Variants in PCGF6 observed in about 807,000 individuals in gnomAD.
PCGF6 encodes the protein polycomb group RING finger protein 6.
PCGF6 carries 24 observed loss-of-function variants against 45.5 expected under a neutral mutation model. The ratio of observed to expected loss-of-function variants is 0.53; its 90% CI spans 0.38 to 0.74. PCGF6 has a LOEUF of 0.74. Ranked by LOEUF, PCGF6 falls within the 30% of genes least tolerant of loss-of-function variation. The probability of loss-of-function intolerance (pLI) is 0.00; values close to 1 mark genes in which losing one functional copy is unlikely to be tolerated. For synonymous variants in PCGF6, 152 were observed against 162.1 expected, an observed-to-expected ratio of 0.94 and a Z score of 0.47; for missense variants, 356 against 443.2, an observed-to-expected ratio of 0.80 and a Z score of 1.77.
At chr10:103,349,479 GTT>G (rs11450842) in intron 1 of PCGF6, among the ~76,000 whole-genome samples, 5 of 108,160 alleles carry the variant, frequency 4.6e-5, no homozygotes, top group East Asian at 2.8e-4. Context: ...CTTTCTTTCC[GTT>G]TTTTTTTTTT....
intron 8 of PCGF6, among the ~76,000 whole-genome samples, chr10:103,325,480 C>G (rs1564728353): frequency 6.6e-6 from 1 of 152,094 alleles, no homozygotes; most frequent in Non-Finnish European, 1.5e-5. Context: ...GAATTCCTGA[C>G]CTCGTGATCC....
intron 1 of PCGF6, among the ~76,000 whole-genome samples, chr10:103,350,255 C>A (rs2093316186): frequency 6.7e-6 from 1 of 149,032 alleles, no homozygotes; most frequent in Non-Finnish European, 1.5e-5. Flanking sequence ...ACATAGGGAG[C>A]CCTCCTCGCT....
intron 1 of PCGF6, 53 bp from the exon 2 acceptor site, chr10:103,349,052 T>C (rs2093310036): frequency 6.8e-7 from 1 of 1,479,020 alleles, no homozygotes; most frequent in Admixed American, 2.0e-5. Flanking sequence ...TTTTACAAAT[T>C]CTTTTTTTTT....
At chr10:103,349,680 C>T (rs867445271) in intron 1 of PCGF6, among the ~76,000 whole-genome samples, 1 of 150,700 alleles carries the variant, frequency 6.6e-6, no homozygotes, top group South Asian at 2.1e-4. Context: ...GGGGTTTCAC[C>T]GCTTTGGTCA....
intron 8 of PCGF6, among the ~76,000 whole-genome samples, chr10:103,322,307 C>T (rs1234634740): frequency 2.6e-5 from 4 of 152,056 alleles, no homozygotes; most frequent in Non-Finnish European, 5.9e-5. Flanking sequence ...CTCAACCCAC[C>T]TCAGCCTCCC....
At chr10:103,340,417 T>A (rs573111408) in intron 6 of PCGF6, among the ~76,000 whole-genome samples, 84 of 151,928 alleles carry the variant, frequency 5.5e-4, no homozygotes, top group South Asian at 5.0e-3. Flanking sequence ...TCAAGTCTCA[T>A]CAGGAAAGCC....
intron 6 of PCGF6, among the ~76,000 whole-genome samples, chr10:103,338,316 G>A (rs2093265559): frequency 6.6e-6 from 1 of 151,862 alleles, no homozygotes; most frequent in South Asian, 2.1e-4. Context: ...GGCCAAGGCA[G>A]GCAGACCACG....
chr10:103,309,660 G>A (rs547486577), intron 9 of PCGF6, among the ~76,000 whole-genome samples: 5 of 152,260 alleles, frequency 3.3e-5, no homozygotes, highest in African/African-American at 1.2e-4. Flanking sequence ...TTCAGGCATG[G>A]TGGCTCACAC....
At chr10:103,349,086 T>A in intron 1 of PCGF6, 87 bp from the exon 2 acceptor site, 1 of 1,153,510 alleles carries the variant, frequency 8.7e-7, no homozygotes, top group Non-Finnish European at 1.2e-6. Flanking sequence ...TCTCACTCTG[T>A]AGCCCAAGCT....
At chr10:103,314,061 T>C in intron 9 of PCGF6, 125 bp downstream of exon 9, 1 of 405,976 alleles carries the variant, frequency 2.5e-6, no homozygotes, top group South Asian at 1.0e-4. Flanking sequence ...ATATTAAATA[T>C]AATTATTATT....
chr10:103,347,182 TTTA>T (rs1328865184), intron 5 of PCGF6, 53 bp downstream of exon 5: 3 of 1,372,698 alleles, frequency 2.2e-6, no homozygotes, highest in Non-Finnish European at 2.0e-6. Flanking sequence ...GGGCATATAT[TTTA>T]TTGTTAGTAT....
intron 8 of PCGF6, among the ~76,000 whole-genome samples, chr10:103,318,642 G>A (rs975480820): frequency 6.6e-6 from 1 of 151,874 alleles, no homozygotes; most frequent in Non-Finnish European, 1.5e-5. Context: ...CTACTCAGGA[G>A]GCTGAGGCAG....
intron 1 of PCGF6, 130 bp downstream of exon 1, chr10:103,350,575 TCG>T (rs1172306976): frequency 3.4e-6 from 3 of 887,864 alleles, no homozygotes; most frequent in Non-Finnish European, 4.6e-6. Flanking sequence ...GGGGCAGAGG[TCG>T]GGGGAGGTCC....
chr10:103,341,405 C>T (rs964881146), intron 6 of PCGF6, among the ~76,000 whole-genome samples: 7 of 150,456 alleles, frequency 4.7e-5, no homozygotes, highest in African/African-American at 1.5e-4. Context: ...TAAAGGCGCG[C>T]ACCACCATGC....
At chr10:103,327,946 AGTACAG>A (rs2093225436) in intron 7 of PCGF6, among the ~76,000 whole-genome samples, 2 of 151,310 alleles carry the variant, frequency 1.3e-5, no homozygotes, top group Admixed American at 1.3e-4. Context: ...AAGTGCTGGG[AGTACAG>A]GTATGAGCCA....
At chr10:103,319,664 C>G (rs1049206688) in intron 8 of PCGF6, among the ~76,000 whole-genome samples, 1 of 152,176 alleles carries the variant, frequency 6.6e-6, no homozygotes, top group East Asian at 1.9e-4. Flanking sequence ...CATCTTTGTA[C>G]TCCTAAGGTC....
chr10:103,338,535 A>C (rs2093266808), intron 6 of PCGF6, among the ~76,000 whole-genome samples: 1 of 135,518 alleles, frequency 7.4e-6, no homozygotes, highest in South Asian at 2.7e-4. Flanking sequence ...ACAGAGCGAG[A>C]CTCCATCTCA....
intron 5 of PCGF6, among the ~76,000 whole-genome samples, chr10:103,346,497 G>A (rs1009705609): frequency 1.3e-5 from 2 of 151,900 alleles, no homozygotes; most frequent in Non-Finnish European, 2.9e-5. Context: ...AGTGGCGGGC[G>A]CCTGTAGCCC....
intron 9 of PCGF6, among the ~76,000 whole-genome samples, chr10:103,310,166 G>A (rs1210097373): frequency 6.6e-6 from 1 of 151,538 alleles, no homozygotes; most frequent in Non-Finnish European, 1.5e-5. Context: ...TAGCCAGGCT[G>A]GTCTTGAACT....
Sources: gnomAD v4.1 joint callset for allele counts (sites outside exome capture counted in the v4.1 genomes callset) on GRCh38, gnomAD v4.1.1 for gene constraint, MANE v1.5 for transcripts, NCBI Gene and HGNC (gene_info 2026-07-23, HGNC 2026-07-21) for gene names.